ASH1L: variants seen among roughly 807,000 people sequenced by gnomAD.
ASH1L encodes ASH1 like histone lysine methyltransferase.
In ASH1L, 23 loss-of-function variants were observed where a neutral mutation model predicts 269.0. That is an observed-to-expected ratio of 0.09 (90% confidence interval 0.06 to 0.12). The LOEUF (loss-of-function observed/expected upper bound fraction) is 0.12, where lower values mean the gene tolerates loss of function less well. ASH1L is among the 10% of genes least tolerant of loss of function. ASH1L has a pLI of 1.00. For synonymous variants in ASH1L, 1,187 were observed against 1,253.5 expected, an observed-to-expected ratio of 0.95 and a Z score of 1.12; for missense variants, 2,912 against 3,567.8, an observed-to-expected ratio of 0.82 and a Z score of 4.68.
At chr1:155,530,438 T>C (rs577417051) in intron 1 of ASH1L, among the ~76,000 whole-genome samples, 6 of 152,182 alleles carry the variant, frequency 3.9e-5, no homozygotes, top group Non-Finnish European at 7.4e-5. Context: ...AATTGTCCCC[T>C]TTCTAGGCCG....
intron 5 of ASH1L, among the ~76,000 whole-genome samples, chr1:155,436,654 G>A (rs775811809): frequency 7.9e-5 from 12 of 151,142 alleles, no homozygotes; most frequent in Non-Finnish European, 1.6e-4. Flanking sequence ...ACACCACCAC[G>A]CCTGGCTAAT....
At position 155,479,219 on chromosome 1, in the gene ASH1L, A is replaced by G. The variant is rs765306089; in HGVS notation, c.3651T>C (p.Phe1217=). ...NNSTSDRAEK[F]CGQKKRRHSF... ...AATGCCTCCTCTTTTTTTGCCCACA[A>G]AATTTCTCTGCCCTGTCTGATGTGC... The change falls in exon 3 of 28, where the codon TTT becomes TTC. Residue 1217 remains phenylalanine, a synonymous_variant. Coordinates refer to ENST00000392403, the MANE Select transcript of ASH1L (RefSeq NM_018489.3). 1.9e-6 allele frequency: 3 copies of G among 1,613,938 alleles called. No individual in the cohort carries two copies. In the African/African-American group the frequency reaches 4.0e-5, roughly 22 times the overall value.
At chr1:155,531,964 C>T (rs1571082704) in intron 1 of ASH1L, among the ~76,000 whole-genome samples, 1 of 152,170 alleles carries the variant, frequency 6.6e-6, no homozygotes, top group Admixed American at 6.5e-5. Context: ...ATTCTTTCAG[C>T]TTTTGGAAAA....
intron 1 of ASH1L, among the ~76,000 whole-genome samples, chr1:155,557,586 T>C (rs555580471): frequency 6.6e-5 from 10 of 152,166 alleles, no homozygotes; most frequent in African/African-American, 2.2e-4. Context: ...GGCCTAGAAA[T>C]CATTATTTTA....
rs747371490 is a variant in ASH1L at position 155,562,225 on chromosome 1, G to A, written c.-172C>T. 1.9e-6 allele frequency: 3 copies of A among 1,609,890 alleles called. No individual in the cohort carries two copies. Among genetic ancestry groups the A allele is most frequent in the East Asian group, 2.2e-5 (1 of 44,826 alleles). On this transcript the variant is annotated 5_prime_UTR_variant, in exon 1 of 28. Coordinates refer to ENST00000392403, the MANE Select transcript of ASH1L (RefSeq NM_018489.3). ...AGTGGGGAAGAGGGGGTGGCCGCCA[G>A]GCTCCTCCGCTTCCCTGGGTCCACG...
intron 5 of ASH1L, among the ~76,000 whole-genome samples, 167 bp from the exon 6 acceptor site, chr1:155,416,090 A>G (rs529631819): frequency 1.3e-5 from 2 of 151,556 alleles, no homozygotes; most frequent in Non-Finnish European, 2.9e-5. Context: ...GACAAGAAGT[A>G]ATAGAAATAT....
rs1435183079 is a variant in ASH1L, at chr1:155,459,871, G to A, written c.5012C>T (p.Ser1671Phe). 6.2e-7 allele frequency: 1 copy of A among 1,611,554 alleles called. No individual in the cohort carries two copies. Residue 1671 changes from serine to phenylalanine, a missense_variant, in exon 4 of 28, where the codon TCC becomes TTC. By Grantham distance (155) the Ser-to-Phe change is radical. Transcript: ENST00000392403. Reference sequence around the variant, plus strand: ...ATTTGTGCTCTCTGATGGCCGCTGGGAGGGTTTATCAGAGGTTGGCTGGGA... The same window carrying A: ...ATTTGTGCTCTCTGATGGCCGCTGGAAGGGTTTATCAGAGGTTGGCTGGGA... ...AGSQPTSDKP[S>F]QRPSESTNCS... is the part of the protein sequence containing the mutation.
intron 17 of ASH1L, 83 bp from the exon 18 acceptor site, chr1:155,349,679 T>A: frequency 1.0e-4 from 71 of 689,872 alleles, no homozygotes; most frequent in Non-Finnish European, 1.6e-4. Flanking sequence ...ATAGAATCCC[T>A]CAAATTAAAA....
At chr1:155,560,712 G>A (rs569888596) in intron 1 of ASH1L, among the ~76,000 whole-genome samples, 188 of 152,272 alleles carry the variant, frequency 1.2e-3, no homozygotes, top group Non-Finnish European at 2.1e-3. Flanking sequence ...TCCTCCCACA[G>A]ATTTCAAGTT....
chr1:155,555,528 A>G (rs1671527908), intron 1 of ASH1L, among the ~76,000 whole-genome samples: 1 of 152,004 alleles, frequency 6.6e-6, no homozygotes, highest in African/African-American at 2.4e-5. Context: ...ATGGAAAACA[A>G]AAAAATGAAA....
chr1:155,519,943 G>A (rs1668762276), intron 2 of ASH1L, among the ~76,000 whole-genome samples: 1 of 152,158 alleles, frequency 6.6e-6, no homozygotes, highest in Non-Finnish European at 1.5e-5. Context: ...ACAGGCGTGA[G>A]CTACCACGCC....
intron 1 of ASH1L, among the ~76,000 whole-genome samples, chr1:155,539,408 C>T (rs1670271219): frequency 6.6e-6 from 1 of 151,706 alleles, no homozygotes; most frequent in Non-Finnish European, 1.5e-5. Context: ...TGCTCTCCTC[C>T]AGCCCAAGCT....
At chr1:155,514,221 G>A (rs1209329081) in intron 2 of ASH1L, among the ~76,000 whole-genome samples, 1 of 152,098 alleles carries the variant, frequency 6.6e-6, no homozygotes, top group Non-Finnish European at 1.5e-5. Flanking sequence ...GGGCATGGTC[G>A]CACAAAAAGT....
chr1:155,347,422 CAAAA>C (rs1355863930), intron 20 of ASH1L, among the ~76,000 whole-genome samples: 1 of 149,056 alleles, frequency 6.7e-6, no homozygotes. Flanking sequence ...CAAAACAAAA[CAAAA>C]AAACAAGAAG....
intron 4 of ASH1L, among the ~76,000 whole-genome samples, chr1:155,449,385 T>C (rs1663292927): frequency 6.6e-6 from 1 of 152,270 alleles, no homozygotes; most frequent in African/African-American, 2.4e-5. Flanking sequence ...TCTAATTTAA[T>C]TCTGTTGTGG....
chr1:155,340,604 A>T (rs1436201797), intron 25 of ASH1L, among the ~76,000 whole-genome samples: 1 of 152,158 alleles, frequency 6.6e-6, no homozygotes, highest in African/African-American at 2.4e-5. Context: ...TGAATGGATG[A>T]TCAAAATCTT....
In ASH1L at chr1:155,358,427, C is replaced by T. The variant is rs139345898; in HGVS notation, c.6796-678G>A. ...AAAGGCCAGGCATGGTGGCTCATGC[C>T]TGTAATCCAGCACTTTGGGAGGCCA... On this transcript the variant is annotated intron_variant, in intron 13 of 27. Coordinates refer to ENST00000392403, the MANE Select transcript of ASH1L (RefSeq NM_018489.3). Among the ~76,000 whole-genome samples the T allele has an allele frequency of 7.3e-3, 1,104 of 152,124 alleles. 11 individuals are homozygous for T. The highest frequency in any genetic ancestry group is 0.025 in the African/African-American group (1,039 of 41,516).
intron 21 of ASH1L, among the ~76,000 whole-genome samples, chr1:155,345,174 CTTTTTTTTTT>C (rs397981613): frequency 1.5e-3 from 94 of 64,038 alleles, no homozygotes; most frequent in African/African-American, 4.2e-3. Flanking sequence ...CCAGGATGGT[CTTTTTTTTTT>C]TTTTTTTTTT....
chr1:155,502,359 C>T (rs542302683), intron 2 of ASH1L, among the ~76,000 whole-genome samples: 52 of 152,178 alleles, frequency 3.4e-4, no homozygotes, highest in Non-Finnish European at 5.6e-4. Context: ...CATGAGCCAC[C>T]GCGCCCGGCA....
Sources: gnomAD v4.1 joint callset for allele counts (sites outside exome capture counted in the v4.1 genomes callset) on GRCh38, gnomAD v4.1.1 for gene constraint, MANE v1.5 for transcripts, NCBI Gene and HGNC (gene_info 2026-07-23, HGNC 2026-07-21) for gene names.